SLC35D4: variants seen among roughly 807,000 people sequenced by gnomAD.
The protein encoded by SLC35D4 is UDP-N-acetylglucosamine transporter SLC35D4.
At chr18:23,418,548 C>T in the SLC35D4 span, among the ~76,000 whole-genome samples, 2 of 151,436 alleles carry the variant, frequency 1.3e-5, no homozygotes, top group Admixed American at 6.6e-5. Context: ...TGGGGCTTCA[C>T]CATGTTGGCC....
the SLC35D4 span, chr18:23,252,869 T>G: frequency 1.3e-6 from 1 of 796,342 alleles, no homozygotes; most frequent in Non-Finnish European, 2.1e-6. Context: ...GCTCATGGCT[T>G]TGGGAGTTGT....
At chr18:23,343,840 T>C in the SLC35D4 span, among the ~76,000 whole-genome samples, 2 of 152,166 alleles carry the variant, frequency 1.3e-5, no homozygotes, top group African/African-American at 2.4e-5. Flanking sequence ...CCTATGTTGT[T>C]TCGCTTGGGA....
the SLC35D4 span, among the ~76,000 whole-genome samples, chr18:23,409,768 C>T: frequency 1.3e-5 from 2 of 151,582 alleles, no homozygotes; most frequent in Admixed American, 6.6e-5. Context: ...GGATTGAACC[C>T]AGGAGGTGGA....
At chr18:23,297,837 C>T in the SLC35D4 span, 1 of 731,682 alleles carries the variant, frequency 1.4e-6, no homozygotes, top group Non-Finnish European at 2.2e-6. Flanking sequence ...TCATCAGCCA[C>T]CACCACATTC....
At chr18:23,393,503 C>T in the SLC35D4 span, among the ~76,000 whole-genome samples, 5 of 152,290 alleles carry the variant, frequency 3.3e-5, no homozygotes, top group East Asian at 3.9e-4. Flanking sequence ...TGGAGTCACA[C>T]AGTATTTATC....
chr18:23,368,771 A>G, the SLC35D4 span: 2 of 1,435,858 alleles, frequency 1.4e-6, no homozygotes, highest in Non-Finnish European at 9.6e-7. Flanking sequence ...AGAGAGGAAA[A>G]AAAGATAAAT....
At chr18:23,433,746 A>G in the SLC35D4 span, among the ~76,000 whole-genome samples, 17 of 152,218 alleles carry the variant, frequency 1.1e-4, no homozygotes, top group Non-Finnish European at 1.9e-4. Flanking sequence ...CTTTTTCAAA[A>G]GAATTTTCTT....
chr18:23,248,470 A>G, the SLC35D4 span, among the ~76,000 whole-genome samples: 1 of 145,662 alleles, frequency 6.9e-6, no homozygotes, highest in East Asian at 2.1e-4. Context: ...CACTTGGCCC[A>G]GGATTTAGCG....
At chr18:23,391,062 C>T in the SLC35D4 span, among the ~76,000 whole-genome samples, 2 of 151,824 alleles carry the variant, frequency 1.3e-5, no homozygotes, top group African/African-American at 4.8e-5. Context: ...CCCGTCTCTA[C>T]TAAAAATGCA....
chr18:23,353,223 ATGACTGCAG>A, the SLC35D4 span, among the ~76,000 whole-genome samples: 2 of 151,992 alleles, frequency 1.3e-5, no homozygotes, highest in Admixed American at 6.6e-5. Context: ...AGTAAGAGAT[ATGACTGCAG>A]TTGTAACTCC....
the SLC35D4 span, among the ~76,000 whole-genome samples, chr18:23,411,951 T>C: frequency 1.3e-5 from 2 of 152,354 alleles, no homozygotes; most frequent in Non-Finnish European, 2.9e-5. Context: ...AAAAGGCTCC[T>C]GAAGCTGAAT....
the SLC35D4 span, among the ~76,000 whole-genome samples, chr18:23,279,415 T>C: frequency 1.3e-5 from 2 of 152,162 alleles, no homozygotes; most frequent in Admixed American, 6.5e-5. Context: ...GCCTCTTAAA[T>C]AAAATCAGAC....
At chr18:23,317,764 G>A in the SLC35D4 span, among the ~76,000 whole-genome samples, 3 of 150,052 alleles carry the variant, frequency 2.0e-5, no homozygotes, top group African/African-American at 4.9e-5. Context: ...TTTTTCAGAC[G>A]GAGTCTCGCT....
chr18:23,361,140 G>GAA, the SLC35D4 span, among the ~76,000 whole-genome samples: 1 of 135,110 alleles, frequency 7.4e-6, no homozygotes, highest in East Asian at 2.1e-4. Flanking sequence ...AAGAAAAATA[G>GAA]AAAAAAAGAA....
At chr18:23,268,803 C>CGTGCGT in the SLC35D4 span, among the ~76,000 whole-genome samples, 1,711 of 149,476 alleles carry the variant, frequency 0.011, 32 homozygotes, top group African/African-American at 0.039. Context: ...TGTGTGTGTG[C>CGTGCGT]GTGTGTGTGT....
At chr18:23,360,570 T>G in the SLC35D4 span, among the ~76,000 whole-genome samples, 1 of 152,166 alleles carries the variant, frequency 6.6e-6, no homozygotes, top group Admixed American at 6.5e-5. Flanking sequence ...TAGACAGAAC[T>G]TATCTATGGT....
At chr18:23,428,134 A>G in the SLC35D4 span, among the ~76,000 whole-genome samples, 4 of 152,180 alleles carry the variant, frequency 2.6e-5, no homozygotes, top group Non-Finnish European at 5.9e-5. Flanking sequence ...AAACCTGCAC[A>G]TTGTGCACAT....
the SLC35D4 span, among the ~76,000 whole-genome samples, chr18:23,240,022 G>A: frequency 6.6e-6 from 1 of 152,214 alleles, no homozygotes; most frequent in Non-Finnish European, 1.5e-5. Context: ...AGAGGCTGAG[G>A]TGGGAGAATT....
chr18:23,404,161 TC>T, the SLC35D4 span, among the ~76,000 whole-genome samples: 2 of 152,070 alleles, frequency 1.3e-5, no homozygotes, highest in African/African-American at 4.8e-5. Flanking sequence ...CAACATAATG[TC>T]TCCCTTTAGT....
Sources: allele counts gnomAD v4.1 joint callset (sites outside exome capture counted in the v4.1 genomes callset), GRCh38; gene constraint gnomAD v4.1.1; transcripts MANE v1.5; gene names NCBI Gene and HGNC (gene_info 2026-07-23, HGNC 2026-07-21).